Variants in MCRIP1 observed in about 807,000 individuals in gnomAD.
The protein encoded by MCRIP1 is MAPK regulated corepressor interacting protein 1, also known as mapk-regulated corepressor-interacting protein 1.
In MCRIP1, 10 loss-of-function variants were observed where a neutral mutation model predicts 14.4. That is an observed-to-expected ratio of 0.70 (90% CI 0.43 to 1.18). The LOEUF (loss-of-function observed/expected upper bound fraction) is 1.18, where lower values mean the gene tolerates loss of function less well. Ranked by LOEUF, MCRIP1 falls within the 50% of genes most tolerant of loss-of-function variation. The pLI is 0.00. For synonymous variants in MCRIP1, 53 were observed against 55.7 expected (o/e 0.95, Z 0.21); for missense variants, 119 against 135.4 (o/e 0.88, Z 0.60).
At chr17:81,827,526 C>G (rs1315506791) in intron 1 of MCRIP1, among the ~76,000 whole-genome samples, 1 of 151,888 alleles carries the variant, frequency 6.6e-6, no homozygotes, top group Non-Finnish European at 1.5e-5. Flanking sequence ...CCACCTGGGC[C>G]TCCCAAAGTG....
chr17:81,825,012 C>A, intron 1 of MCRIP1: 2 of 1,032,182 alleles, frequency 1.9e-6, no homozygotes, highest in Non-Finnish European at 2.3e-6. Context: ...GCTGGGCACA[C>A]GGCTTCTGCT....
chr17:81,823,143 G>T lies in MCRIP1; in HGVS notation c.*104C>A, dbSNP rs1037968553. On this transcript the variant is annotated 3_prime_UTR_variant, in exon 5 of 5. Transcript: ENST00000455127. The surrounding 1 kb of genome is among the most constrained non-coding windows in gnomAD (Gnocchi z 6.0). ...ACGCCAGTGCTGGGATCTGCAGCCC[G>T]CTGGAGCAAGGCACCCCCATCCCAG... 4.5e-6 allele frequency: 5 copies of T among 1,112,244 alleles called. No individual in the cohort carries two copies. In the African/African-American group the frequency reaches 4.6e-5, roughly 10 times the overall value. The allele number at this position is 1,112,244 out of a possible 1,614,324, so 68.9% of individuals were successfully genotyped here.
Position 81,823,650 on chromosome 17 carries a change from G to T in MCRIP1, c.128-137C>A. On this transcript the variant is annotated intron_variant, in intron 3 of 4. Transcript: ENST00000455127. This position sits in a 1 kb window ranked among gnomAD's most constrained non-coding sequence, Gnocchi z 6.0. Reference sequence around the variant, plus strand: ...GAAGTGTCCTCCATGCTCCCCCACAGCCCTCTGCCCACCCCAGCCTCACTC... The same window carrying T: ...GAAGTGTCCTCCATGCTCCCCCACATCCCTCTGCCCACCCCAGCCTCACTC... 1.4e-6 allele frequency: 1 copy of T among 714,978 alleles called. No individual in the cohort carries two copies. Among genetic ancestry groups the T allele is most frequent in the Non-Finnish European group, 2.4e-6 (1 of 423,958 alleles). The allele number at this position is 714,978 out of a possible 1,614,324, so 44.3% of individuals were successfully genotyped here. A position where few individuals can be genotyped will look rare whatever the true frequency, so the allele number is the denominator to read the frequency against.
intron 1 of MCRIP1, chr17:81,824,797 G>C (rs561300864): frequency 7.2e-7 from 1 of 1,398,052 alleles, no homozygotes; most frequent in Non-Finnish European, 9.3e-7. Context: ...AACTTGAAGC[G>C]ATCAAGCCCG....
rs141487020 is a variant in MCRIP1 at position 81,823,103 on chromosome 17, C to T, written c.*144G>A. On this transcript the variant is annotated 3_prime_UTR_variant, in exon 5 of 5. Coordinates refer to ENST00000455127, the MANE Select transcript of MCRIP1 (RefSeq NM_207368.5). The surrounding 1 kb of genome is among the most constrained non-coding windows in gnomAD (Gnocchi z 6.0). ...AGGGGGCTTGGGAAGGAGAGGCAGGCCTCAGCCGTCAGTCACGCCAGTGCT... is the reference window on the plus strand; with the variant it reads ...AGGGGGCTTGGGAAGGAGAGGCAGGTCTCAGCCGTCAGTCACGCCAGTGCT... 189 of 760,272 alleles carry T rather than the reference C, an allele frequency of 2.5e-4. 1 individual carries two copies. In the East Asian group the frequency reaches 5.0e-3, roughly 20 times the overall value. The allele number at this position is 760,272 out of a possible 1,614,324, so 47.1% of individuals were successfully genotyped here.
rs1017601091 is a variant in MCRIP1 at position 81,823,197 on chromosome 17, G to A, written c.*50C>T. ...CAGGACCACAGGACAGGAGGGAACC[G>A]ACACCTCGCACCCTGATCTTCCGGA... is the stretch of plus-strand genomic sequence containing the variant. On this transcript the variant is annotated 3_prime_UTR_variant, in exon 5 of 5. Coordinates refer to ENST00000455127, the MANE Select transcript of MCRIP1 (RefSeq NM_207368.5). This position sits in a 1 kb window ranked among gnomAD's most constrained non-coding sequence, Gnocchi z 6.0. The A allele has an allele frequency of 1.5e-5, 23 of 1,518,100 alleles. No homozygotes were observed. Among genetic ancestry groups the A allele is most frequent in the Non-Finnish European group, 1.8e-5 (20 of 1,131,546 alleles). 94.0% of individuals were successfully genotyped at this position (1,518,100 alleles called of 1,614,324 possible).
In MCRIP1 at chr17:81,823,619, C is replaced by G; in HGVS notation, c.128-106G>C. The stretch of plus-strand genomic sequence containing the variant: ...CTCCTGCCCTCCCAGATCCTCTTCT[C>G]CCTCAGAAGTGTCCTCCATGCTCCC... On this transcript the variant is annotated intron_variant, in intron 3 of 4. Coordinates refer to ENST00000455127, the MANE Select transcript of MCRIP1 (RefSeq NM_207368.5). The surrounding 1 kb of genome is among the most constrained non-coding windows in gnomAD (Gnocchi z 6.0). 1.1e-6 allele frequency: 1 copy of G among 926,850 alleles called. No individual in the cohort carries two copies. Among genetic ancestry groups the G allele is most frequent in the Admixed American group, 2.1e-5 (1 of 46,964 alleles). The allele number at this position is 926,850 out of a possible 1,614,324, so 57.4% of individuals were successfully genotyped here.
rs543793932 is a variant in MCRIP1, at chr17:81,823,529, G to A, written c.128-16C>T. The A allele has an allele frequency of 5.2e-6, 8 of 1,535,130 alleles. No individual in the cohort carries two copies. In the African/African-American group the frequency reaches 9.6e-5, roughly 18 times the overall value. The stretch of plus-strand genomic sequence containing the variant: ...CCCTGCCAGGCTGCAGAGGCAGAGA[G>A]TGGTGTGCTCAGGGCCCCCTGCCCC... On this transcript the variant is annotated splice_polypyrimidine_tract_variant and intron_variant, in intron 3 of 4. Transcript: ENST00000455127. The surrounding 1 kb of genome is among the most constrained non-coding windows in gnomAD (Gnocchi z 6.0).
chr17:81,824,598 C>G, intron 1 of MCRIP1, 44 bp from the exon 2 acceptor site: 1 of 1,535,512 alleles, frequency 6.5e-7, no homozygotes. Context: ...GGGCCACCCT[C>G]TCCAGCACAG....
In MCRIP1 at chr17:81,823,305, T is replaced by C; in HGVS notation, c.236A>G (p.Lys79Arg). 6.5e-7 allele frequency: 1 copy of C among 1,536,976 alleles called. No individual in the cohort carries two copies. Among genetic ancestry groups the C allele is most frequent in the Non-Finnish European group, 8.7e-7 (1 of 1,146,778 alleles). Reference sequence around the variant, plus strand: ...CTTCAGGTCACTCAGGTCGATGGGCTTGAAGGCTGCCAGGGGACAACGCGG... The same window carrying C: ...CTTCAGGTCACTCAGGTCGATGGGCCTGAAGGCTGCCAGGGGACAACGCGG... ...KVPNPSLKTF[K>R]PIDLSDLKRR... The change falls in exon 5 of 5, where the codon AAG (lysine) becomes AGG (arginine). Residue 79 changes from lysine (K) to arginine (R), a missense_variant. By Grantham distance (26) the Lys-to-Arg change is conservative. Coordinates refer to ENST00000455127, the MANE Select transcript of MCRIP1 (RefSeq NM_207368.5). The surrounding 1 kb of genome is among the most constrained non-coding windows in gnomAD (Gnocchi z 6.0).
At chr17:81,825,227 C>T in intron 1 of MCRIP1, 1 of 1,086,152 alleles carries the variant, frequency 9.2e-7, no homozygotes, top group Non-Finnish European at 1.1e-6. Flanking sequence ...GTGACCAAGA[C>T]CCTGGGCTGC....
chr17:81,830,208 C>T lies in MCRIP1; in HGVS notation c.-49+3030G>A, dbSNP rs575273593. Among the ~76,000 whole-genome samples, 4 of 152,350 alleles carry T rather than the reference C, an allele frequency of 2.6e-5. No homozygotes were observed. In the South Asian group the frequency reaches 6.2e-4, roughly 24 times the overall value. On this transcript the variant is annotated intron_variant, in intron 1 of 4. Coordinates refer to ENST00000455127, the MANE Select transcript of MCRIP1 (RefSeq NM_207368.5). Reference sequence around the variant, plus strand: ...AAGTGATGCAGCCCACAGGTAGGCTCGCCTGCTCCAATAGGGACGGAAGCA... The same window carrying T: ...AAGTGATGCAGCCCACAGGTAGGCTTGCCTGCTCCAATAGGGACGGAAGCA...
intron 1 of MCRIP1, chr17:81,826,224 T>TGC (rs765698137): frequency 6.3e-5 from 96 of 1,517,682 alleles, no homozygotes; most frequent in Middle Eastern, 1.7e-4. Context: ...TTGCCTTGTG[T>TGC]GCACACACAC....
At chr17:81,830,079 C>T (rs1335559146) in intron 1 of MCRIP1, among the ~76,000 whole-genome samples, 1 of 152,240 alleles carries the variant, frequency 6.6e-6, no homozygotes, top group Non-Finnish European at 1.5e-5. Flanking sequence ...TGACTGCCTG[C>T]TTCCGTGGCC....
Position 81,823,918 on chromosome 17 carries a change from G to C in MCRIP1, c.127+369C>G, listed in dbSNP as rs773055340. ...TCCCGGCCACTTCTGCAACACGCCC[G>C]TTCATGGCTGGATGCGTGCCTGTCT... On this transcript the variant is annotated intron_variant, in intron 3 of 4. Coordinates refer to ENST00000455127, the MANE Select transcript of MCRIP1 (RefSeq NM_207368.5). The surrounding 1 kb of genome is among the most constrained non-coding windows in gnomAD (Gnocchi z 6.0). The C allele has an allele frequency of 2.1e-5, 11 of 513,734 alleles. No homozygotes were observed. Among genetic ancestry groups the C allele is most frequent in the South Asian group, 1.8e-4 (7 of 39,756 alleles). 31.8% of individuals were successfully genotyped at this position (513,734 alleles called of 1,614,324 possible). A position where few individuals can be genotyped will look rare whatever the true frequency, so the allele number is the denominator to read the frequency against.
intron 1 of MCRIP1, among the ~76,000 whole-genome samples, chr17:81,832,648 C>T (rs1014562835): frequency 6.6e-6 from 1 of 152,278 alleles, no homozygotes; most frequent in African/African-American, 2.4e-5. Flanking sequence ...GGGAGAGAAG[C>T]ACAGCCCGTG....
rs1567824890 is a variant in MCRIP1, at chr17:81,825,388, TG to T, written c.-48-835del. The T allele has an allele frequency of 4.2e-6, 5 of 1,185,740 alleles. No individual in the cohort carries two copies. In the East Asian group the frequency reaches 2.3e-4, roughly 56 times the overall value. 73.5% of individuals were successfully genotyped at this position (1,185,740 alleles called of 1,614,324 possible). A position where few individuals can be genotyped will look rare whatever the true frequency, so the allele number is the denominator to read the frequency against. On this transcript the variant is annotated intron_variant, in intron 1 of 4. Transcript: ENST00000455127. Reference sequence around the variant, plus strand: ...CCCAAGGTGGGGAAGCTGACAGGGCTGGTCTCCAGCCTGCCCTGCTCCAGAG... The same window carrying T: ...CCCAAGGTGGGGAAGCTGACAGGGCTGTCTCCAGCCTGCCCTGCTCCAGAG...
intron 3 of MCRIP1, 113 bp downstream of exon 3, chr17:81,824,174 G>C: frequency 2.4e-6 from 2 of 842,796 alleles, no homozygotes; most frequent in Admixed American, 4.8e-5. Flanking sequence ...CTGTGCCCTG[G>C]AGGGGCAGGG....
chr17:81,833,277 G>A lies in MCRIP1; in HGVS notation c.-88C>T, dbSNP rs1427579478. On this transcript the variant is annotated 5_prime_UTR_variant, in exon 1 of 5. Coordinates refer to ENST00000455127, the MANE Select transcript of MCRIP1 (RefSeq NM_207368.5). ...CCGCCACCGCCTCTTCCAGCTGGGAGGCCCCGCCGGAAGTGACGCCACCGC... is the reference window on the plus strand; with the variant it reads ...CCGCCACCGCCTCTTCCAGCTGGGAAGCCCCGCCGGAAGTGACGCCACCGC... 6.6e-6 allele frequency: 1 copy of A among 152,246 alleles called. No homozygotes were observed. The highest frequency in any genetic ancestry group is 6.6e-5 in the Admixed American group (1 of 15,242). 9.4% of individuals were successfully genotyped at this position (152,246 alleles called of 1,614,324 possible). A position where few individuals can be genotyped will look rare whatever the true frequency, so the allele number is the denominator to read the frequency against.
Sources: gnomAD v4.1 joint callset for allele counts (sites outside exome capture counted in the v4.1 genomes callset) on GRCh38, gnomAD v4.1.1 for gene constraint, Gnocchi (gnomAD v3.1) non-coding constraint, MANE v1.5 for transcripts, NCBI Gene and HGNC (gene_info 2026-07-23, HGNC 2026-07-21) for gene names.